Variants in WDPCP observed in about 807,000 individuals in gnomAD.
WDPCP encodes the protein WD repeat containing planar cell polarity effector.
A neutral mutation model predicts 93.1 loss-of-function variants in WDPCP; 71 were observed. The ratio of observed to expected loss-of-function variants is 0.76; its 90% CI spans 0.63 to 0.93. WDPCP has a LOEUF of 0.93. WDPCP is among the 40% of genes least tolerant of loss of function. The probability of loss-of-function intolerance (pLI) is 0.00; values close to 1 mark genes in which losing one functional copy is unlikely to be tolerated. For synonymous variants in WDPCP, 315 were observed against 315.0 expected, an observed-to-expected ratio of 1.00 and a Z score of 0.00; for missense variants, 844 against 887.4, an observed-to-expected ratio of 0.95 and a Z score of 0.62.
chr2:63,528,854 T>C (rs1558760278), intron 1 of WDPCP, among the ~76,000 whole-genome samples: 1 of 152,240 alleles, frequency 6.6e-6, no homozygotes, highest in Admixed American at 6.5e-5. Flanking sequence ...GAACATGGAA[T>C]GTTCTTCCAT....
intron 9 of WDPCP, among the ~76,000 whole-genome samples, chr2:63,422,135 T>A (rs543805428): frequency 6.6e-6 from 1 of 152,066 alleles, no homozygotes; most frequent in Non-Finnish European, 1.5e-5. Context: ...CATTTTCCAT[T>A]AAAAAGGAAA....
intron 1 of WDPCP, among the ~76,000 whole-genome samples, chr2:63,552,310 AT>A (rs1338491352): frequency 6.6e-6 from 1 of 151,740 alleles, no homozygotes; most frequent in South Asian, 2.1e-4. Context: ...TCCCAGAGAT[AT>A]ATATACACCT....
At chr2:63,460,618 G>GA (rs923682261) in intron 6 of WDPCP, among the ~76,000 whole-genome samples, 5 of 150,344 alleles carry the variant, frequency 3.3e-5, no homozygotes, top group South Asian at 2.1e-4. Context: ...CAATAAAAGA[G>GA]AAAAAAACAA....
chr2:63,397,052 G>GCA (rs1484292058), intron 10 of WDPCP, among the ~76,000 whole-genome samples: 2 of 152,188 alleles, frequency 1.3e-5, no homozygotes, highest in Non-Finnish European at 2.9e-5. Flanking sequence ...CACTAGGATA[G>GCA]CACTCAGGGG....
chr2:63,126,953 G>T (rs1364985898), intron 17 of WDPCP, among the ~76,000 whole-genome samples: 2 of 151,780 alleles, frequency 1.3e-5, no homozygotes, highest in South Asian at 2.1e-4. Flanking sequence ...AAATCACTAG[G>T]ATTACAGGCG....
At chr2:63,347,412 G>A (rs1176722248) in intron 12 of WDPCP, among the ~76,000 whole-genome samples, 1 of 152,070 alleles carries the variant, frequency 6.6e-6, no homozygotes, top group Non-Finnish European at 1.5e-5. Context: ...CTGTATTTTT[G>A]CTAAATCTGG....
chr2:63,835,849 CTCTT>C, the WDPCP span, among the ~76,000 whole-genome samples: 2 of 152,044 alleles, frequency 1.3e-5, no homozygotes, highest in African/African-American at 4.8e-5. Flanking sequence ...TGAGAATCTT[CTCTT>C]TATTTTATTT....
intron 12 of WDPCP, among the ~76,000 whole-genome samples, chr2:63,352,046 T>C (rs1286993296): frequency 1.3e-5 from 2 of 152,232 alleles, no homozygotes; most frequent in African/African-American, 4.8e-5. Context: ...TTTTTCATGT[T>C]TGTTGGCTGC....
At chr2:63,320,012 A>G (rs1686964627) in intron 12 of WDPCP, among the ~76,000 whole-genome samples, 1 of 152,198 alleles carries the variant, frequency 6.6e-6, no homozygotes. Context: ...ATACTTAAAT[A>G]AATGCTAATA....
chr2:63,654,921 C>G (rs1396978238), intron 2 of WDPCP, among the ~76,000 whole-genome samples: 4 of 151,882 alleles, frequency 2.6e-5, no homozygotes, highest in African/African-American at 9.7e-5. Flanking sequence ...ACTGACTGTA[C>G]TGGGATTAAG....
chr2:63,191,834 T>G (rs1675068568), intron 14 of WDPCP, among the ~76,000 whole-genome samples: 1 of 152,254 alleles, frequency 6.6e-6, no homozygotes, highest in Admixed American at 6.5e-5. Context: ...TTTTTAGATG[T>G]GAAAATTATA....
chr2:63,663,289 T>C (rs772647692), intron 2 of WDPCP, among the ~76,000 whole-genome samples: 13 of 152,226 alleles, frequency 8.5e-5, no homozygotes, highest in Non-Finnish European at 1.9e-4. Flanking sequence ...AATTTTATTA[T>C]AAGGGAACTG....
intron 2 of WDPCP, among the ~76,000 whole-genome samples, chr2:63,750,473 G>T (rs970530652): frequency 6.6e-6 from 1 of 151,836 alleles, no homozygotes; most frequent in Admixed American, 6.6e-5. Context: ...TTTACTTCAA[G>T]TTTTTATTCT....
chr2:63,532,261 G>C (rs1052532076), intron 1 of WDPCP, among the ~76,000 whole-genome samples: 1 of 152,154 alleles, frequency 6.6e-6, no homozygotes, highest in African/African-American at 2.4e-5. Context: ...GTGATGGGGA[G>C]ATGGAACCAA....
At chr2:63,722,258 G>A (rs1361284718) in intron 2 of WDPCP, among the ~76,000 whole-genome samples, 1 of 151,166 alleles carries the variant, frequency 6.6e-6, no homozygotes, top group Non-Finnish European at 1.5e-5. Context: ...GTCTCCGCCC[G>A]GCCGCCATCC....
At chr2:63,548,187 T>G (rs533470279) in intron 1 of WDPCP, among the ~76,000 whole-genome samples, 1 of 152,016 alleles carries the variant, frequency 6.6e-6, no homozygotes, top group East Asian at 1.9e-4. Context: ...GAGACACATC[T>G]AAAATATAAG....
At chr2:63,401,924 A>G (rs1217550315) in intron 10 of WDPCP, among the ~76,000 whole-genome samples, 2 of 152,210 alleles carry the variant, frequency 1.3e-5, no homozygotes, top group Non-Finnish European at 1.5e-5. Context: ...GTGATTCCTC[A>G]AGGATCTAGA....
At chr2:63,687,571 G>A (rs1009890140) in intron 2 of WDPCP, among the ~76,000 whole-genome samples, 1 of 152,096 alleles carries the variant, frequency 6.6e-6, no homozygotes, top group African/African-American at 2.4e-5. Flanking sequence ...CAACAAACAG[G>A]CATATGAAAA....
At chr2:63,728,024 A>C (rs537094460) in intron 2 of WDPCP, among the ~76,000 whole-genome samples, 33 of 152,328 alleles carry the variant, frequency 2.2e-4, no homozygotes, top group African/African-American at 7.9e-4. Flanking sequence ...GAAAATAATA[A>C]TGCAGACATG....
Sources: allele counts gnomAD v4.1 joint callset (sites outside exome capture counted in the v4.1 genomes callset), GRCh38; gene constraint gnomAD v4.1.1; transcripts MANE v1.5; gene names NCBI Gene and HGNC (gene_info 2026-07-23, HGNC 2026-07-21).